Variants in TMPRSS13 observed in about 807,000 individuals in gnomAD.
TMPRSS13 encodes transmembrane protease serine 13.
Under a neutral mutation model 68.4 loss-of-function variants are expected in TMPRSS13, and 50 were observed. The observed-to-expected ratio is 0.73, with a 90% CI of 0.58 to 0.93. The LOEUF is 0.93. Among genes scored for constraint, TMPRSS13 ranks in the 40% least tolerant of loss-of-function variants. The pLI, the probability that TMPRSS13 is intolerant of heterozygous loss-of-function variation, is 0.00. For missense variants in TMPRSS13, 615 were observed against 729.2 expected (o/e 0.84, Z 1.80); for synonymous variants, 267 against 285.8 (o/e 0.93, Z 0.66).
rs1057497958 is a variant in TMPRSS13, at chr11:117,914,270, TACAC to T, written c.679+118_679+121del. 6.7e-6 allele frequency: 9 copies of T among 1,339,692 alleles called. No individual in the cohort carries two copies. The highest frequency in any genetic ancestry group is 1.7e-5 in the Admixed American group (1 of 57,582). The allele number at this position is 1,339,692 out of a possible 1,614,324, so 83.0% of individuals were successfully genotyped here. A position where few individuals can be genotyped will look rare whatever the true frequency, so the allele number is the denominator to read the frequency against. ...ACATGCATACACACAAACATGCACATACACACACATGCACGCACACATATACACA... is the reference window on the plus strand; with the variant it reads ...ACATGCATACACACAAACATGCACATACACATGCACGCACACATATACACA... On this transcript the variant is annotated intron_variant, in intron 4 of 12. Coordinates refer to ENST00000524993, the MANE Select transcript of TMPRSS13 (RefSeq NM_001077263.3). The surrounding 1 kb of genome is among the most constrained non-coding windows in gnomAD (Gnocchi z 4.2).
In TMPRSS13 at chr11:117,924,177, C is replaced by CAAAGAAAAAAGAAAAGAAAAGAAAAGA. The variant is rs1555057551; in HGVS notation, c.21+5109_21+5110insTCTTTTCTTTTCTTTTCTTTTTTCTTT. On this transcript the variant is annotated intron_variant, in intron 1 of 12. Coordinates refer to ENST00000524993, the MANE Select transcript of TMPRSS13 (RefSeq NM_001077263.3). Reference sequence around the variant, plus strand: ...TAGGCAACATAGCAAGACCCCATCTCAAAGAAAAGAAAAGAAAAGAAAAGA... The same window carrying CAAAGAAAAAAGAAAAGAAAAGAAAAGA: ...TAGGCAACATAGCAAGACCCCATCTCAAAGAAAAAAGAAAAGAAAAGAAAAGAAAAGAAAAGAAAAGAAAAGAAAAGA... Among the ~76,000 whole-genome samples, 17 of 105,338 alleles carry CAAAGAAAAAAGAAAAGAAAAGAAAAGA rather than the reference C, an allele frequency of 1.6e-4. No homozygotes were observed. The East Asian group carries it at 4.2e-3, about 26-fold the overall frequency. 69.1% of individuals were successfully genotyped at this position (105,338 alleles called of 152,430 possible).
chr11:117,920,316 T>C (rs1164035485), intron 1 of TMPRSS13, among the ~76,000 whole-genome samples: 2 of 139,808 alleles, frequency 1.4e-5, no homozygotes, highest in Non-Finnish European at 3.1e-5. Flanking sequence ...GCCGTGTCTG[T>C]GATGGAGGGG....
chr11:117,924,070 G>A (rs376972565), intron 1 of TMPRSS13, among the ~76,000 whole-genome samples: 154 of 151,746 alleles, frequency 1.0e-3, no homozygotes, highest in African/African-American at 2.7e-3. Context: ...TAAGCTGGGC[G>A]TGGTGGCGCC....
intron 2 of TMPRSS13, among the ~76,000 whole-genome samples, chr11:117,917,702 G>T (rs1193097425): frequency 1.3e-5 from 2 of 152,184 alleles, no homozygotes; most frequent in African/African-American, 4.8e-5. Context: ...TGATACCAAA[G>T]CACTTCACCC....
rs1472587047 is a variant in TMPRSS13, at chr11:117,909,892, C to G, written c.1023G>C (p.Val341=). 1 of 1,614,184 alleles carries G rather than the reference C, an allele frequency of 6.2e-7. No individual in the cohort carries two copies. Among genetic ancestry groups the G allele is most frequent in the Non-Finnish European group, 8.5e-7 (1 of 1,180,048 alleles). The change falls in exon 8 of 13, where the codon GTG becomes GTC. Residue 341 remains valine, a synonymous_variant. Coordinates refer to ENST00000524993, the MANE Select transcript of TMPRSS13 (RefSeq NM_001077263.3). ...LASDSKWPWQ[V]SLHFGTTHIC... ...TGTGGGTGGTGCCGAAGTGCAGACT[C>G]ACTTGCCAAGGCCACTTGCTATCCG... is the stretch of plus-strand genomic sequence containing the variant.
chr11:117,908,713 G>A lies in TMPRSS13; in HGVS notation c.1181C>T (p.Ala394Val). 6.2e-7 allele frequency: 1 copy of A among 1,607,688 alleles called. No homozygotes were observed. The highest frequency in any genetic ancestry group is 8.5e-7 in the Non-Finnish European group (1 of 1,177,994). ...GATGATGATCTCGGCAATGGAGGCT[G>A]CCTCAGGCAACTGGTGCAGGTTGCT... The part of the protein sequence containing the change: ...GTSNLHQLPE[A>V]ASIAEIIINS... Residue 394 changes from alanine to valine, a missense_variant, in exon 9 of 13, where the codon GCA (alanine) becomes GTA (valine). Ala to Val is a moderately conservative substitution (Grantham distance 64, BLOSUM62 0). Coordinates refer to ENST00000524993, the MANE Select transcript of TMPRSS13 (RefSeq NM_001077263.3).
rs1178390529 is a variant in TMPRSS13 at position 117,902,224 on chromosome 11, C to T, written c.*15G>A. On this transcript the variant is annotated 3_prime_UTR_variant, in exon 13 of 13. Coordinates refer to ENST00000524993, the MANE Select transcript of TMPRSS13 (RefSeq NM_001077263.3). ...TCACAGCAGCCGGTGCTGTGCAGAGCAGCAGGCCAGCTGGTTAGGATTTTC... is the reference window on the plus strand; with the variant it reads ...TCACAGCAGCCGGTGCTGTGCAGAGTAGCAGGCCAGCTGGTTAGGATTTTC... The T allele has an allele frequency of 6.2e-7, 1 of 1,613,104 alleles. No homozygotes were observed. Among genetic ancestry groups the T allele is most frequent in the African/African-American group, 1.3e-5 (1 of 74,902 alleles).
chr11:117,906,784 C>T (rs775585761), intron 9 of TMPRSS13, among the ~76,000 whole-genome samples: 9 of 152,118 alleles, frequency 5.9e-5, no homozygotes, highest in Non-Finnish European at 8.8e-5. Context: ...GTTACATGAT[C>T]CATCGTTAGA....
chr11:117,918,608 TGCCTGGGCTGG>T lies in TMPRSS13; in HGVS notation c.241_251del (p.Pro81IlefsTer39), dbSNP rs762444780. The T allele has an allele frequency of 2.9e-5, 3 of 103,324 alleles. No homozygotes were observed. Among genetic ancestry groups the T allele is most frequent in the South Asian group, 1.9e-4 (2 of 10,722 alleles). The allele number at this position is 103,324 out of a possible 1,614,324, so 6.4% of individuals were successfully genotyped here. A position where few individuals can be genotyped will look rare whatever the true frequency, so the allele number is the denominator to read the frequency against. The stretch of plus-strand genomic sequence containing the variant: ...GAGCCGGAGATGCCCGGGCTGGAGA[TGCCTGGGCTGG>T]AGATGCCTGGGCTGGAGATGCCCGG... On this transcript the variant is annotated frameshift_variant, in exon 2 of 13. Transcript: ENST00000524993. LOFTEE classifies it high-confidence loss of function.
At chr11:117,921,542 G>A (rs1450903753) in intron 1 of TMPRSS13, among the ~76,000 whole-genome samples, 1 of 152,226 alleles carries the variant, frequency 6.6e-6, no homozygotes, top group Non-Finnish European at 1.5e-5. Flanking sequence ...TGGGTGGGCA[G>A]GTGGGGGGAG....
chr11:117,920,827 T>G (rs1428922692), intron 1 of TMPRSS13, among the ~76,000 whole-genome samples: 1 of 152,220 alleles, frequency 6.6e-6, no homozygotes, highest in Non-Finnish European at 1.5e-5. Flanking sequence ...TTTGTGGGAA[T>G]GCTGGGCTTG....
rs947604336 is a variant in TMPRSS13 at position 117,901,692 on chromosome 11, C to T, written c.*547G>A. The T allele has an allele frequency of 4.4e-5, 7 of 158,606 alleles. No homozygotes were observed. Among genetic ancestry groups the T allele is most frequent in the Non-Finnish European group, 5.6e-5 (4 of 71,308 alleles). 9.8% of individuals were successfully genotyped at this position (158,606 alleles called of 1,614,324 possible). On this transcript the variant is annotated 3_prime_UTR_variant, in exon 13 of 13. Coordinates refer to ENST00000524993, the MANE Select transcript of TMPRSS13 (RefSeq NM_001077263.3). ...AGCACAGTCCGACTGGTGACATCCA[C>T]GGCACCAGCAGGGGGTCTGGGTGAG... is the stretch of plus-strand genomic sequence containing the variant.
At chr11:117,926,123 T>C (rs1156499925) in intron 1 of TMPRSS13, among the ~76,000 whole-genome samples, 1 of 131,848 alleles carries the variant, frequency 7.6e-6, no homozygotes, top group South Asian at 2.7e-4. Context: ...TGCAGAGGCA[T>C]AGGGCAGGTG....
chr11:117,919,713 C>T (rs1465484236), intron 1 of TMPRSS13, among the ~76,000 whole-genome samples: 1 of 152,264 alleles, frequency 6.6e-6, no homozygotes, highest in African/African-American at 2.4e-5. Context: ...TCACAAGGGC[C>T]TCACCACACC....
In TMPRSS13 at chr11:117,902,117, A is replaced by G. The variant is rs560310011; in HGVS notation, c.*122T>C. 1.8e-5 allele frequency: 18 copies of G among 1,015,460 alleles called. No homozygotes were observed. The highest frequency in any genetic ancestry group is 2.7e-5 in the Non-Finnish European group (18 of 665,736). 62.9% of individuals were successfully genotyped at this position (1,015,460 alleles called of 1,614,324 possible). A position where few individuals can be genotyped will look rare whatever the true frequency, so the allele number is the denominator to read the frequency against. On this transcript the variant is annotated 3_prime_UTR_variant, in exon 13 of 13. Coordinates refer to ENST00000524993, the MANE Select transcript of TMPRSS13 (RefSeq NM_001077263.3). Reference sequence around the variant, plus strand: ...ACACACACACACAGAGGCAGCAGACAGTGGAGGTGGGAGTCCGATGGTGCC... The same window carrying G: ...ACACACACACACAGAGGCAGCAGACGGTGGAGGTGGGAGTCCGATGGTGCC...
chr11:117,902,141 C>G lies in TMPRSS13; in HGVS notation c.*98G>C. ...CAGTGGAGGTGGGAGTCCGATGGTG[C>G]CCGGTGGCCATTAGCCCAGATGATG... On this transcript the variant is annotated 3_prime_UTR_variant, in exon 13 of 13. Transcript: ENST00000524993. 2.2e-6 allele frequency: 3 copies of G among 1,374,778 alleles called. No individual in the cohort carries two copies. Among genetic ancestry groups the G allele is most frequent in the Non-Finnish European group, 3.1e-6 (3 of 979,014 alleles). The allele number at this position is 1,374,778 out of a possible 1,614,324, so 85.2% of individuals were successfully genotyped here.
chr11:117,907,986 A>G (rs2057480512), intron 9 of TMPRSS13: 1 of 988,806 alleles, frequency 1.0e-6, no homozygotes, highest in Admixed American at 6.1e-5. Flanking sequence ...TCCTTTGTGT[A>G]GCCTCCTTTG....
rs1482774045 is a variant in TMPRSS13, at chr11:117,922,566, A to C, written c.22-3728T>G. Among the ~76,000 whole-genome samples, 1 of 152,196 alleles carries C rather than the reference A, an allele frequency of 6.6e-6. No homozygotes were observed. The highest frequency in any genetic ancestry group is 1.5e-5 in the Non-Finnish European group (1 of 68,034). ...CAAGGTCCCAAGCTACAAGGGGCAG[A>C]ACCAGGACCAGAACCCAAGCTTCCC... On this transcript the variant is annotated intron_variant, in intron 1 of 12. Transcript: ENST00000524993. This position sits in a 1 kb window ranked among gnomAD's most constrained non-coding sequence, Gnocchi z 4.2.
rs3839950 is a variant in TMPRSS13 at position 117,902,072 on chromosome 11, GCACACACACACACACA to G, written c.*151_*166del. The G allele has an allele frequency of 1.4e-5, 9 of 646,442 alleles. No individual in the cohort carries two copies. Among genetic ancestry groups the G allele is most frequent in the South Asian group, 5.4e-5 (3 of 55,822 alleles). 40.0% of individuals were successfully genotyped at this position (646,442 alleles called of 1,614,324 possible). A position where few individuals can be genotyped will look rare whatever the true frequency, so the allele number is the denominator to read the frequency against. ...TGGGAGAGTGGCAATGCACACATAT[GCACACACACACACACA>G]CACACACACACACACAGAGGCAGCA... On this transcript the variant is annotated 3_prime_UTR_variant, in exon 13 of 13. Coordinates refer to ENST00000524993, the MANE Select transcript of TMPRSS13 (RefSeq NM_001077263.3).
Sources: allele counts gnomAD v4.1 joint callset (sites outside exome capture counted in the v4.1 genomes callset), GRCh38; gene constraint gnomAD v4.1.1; non-coding constraint Gnocchi (gnomAD v3.1); transcripts MANE v1.5; gene names NCBI Gene and HGNC (gene_info 2026-07-23, HGNC 2026-07-21).